Variants in ASPRV1 observed in about 807,000 individuals in gnomAD.
ASPRV1 encodes retroviral-like aspartic protease 1.
In ASPRV1, 7 loss-of-function variants were observed where a neutral mutation model predicts 11.0. That is an observed-to-expected ratio of 0.64 (90% CI 0.36 to 1.20). The LOEUF (loss-of-function observed/expected upper bound fraction) is 1.20. Among genes scored for constraint, ASPRV1 ranks in the 50% most tolerant of loss-of-function variants. The pLI is 0.02. For synonymous variants in ASPRV1, 136 were observed against 138.4 expected (o/e 0.98, Z 0.12); for missense variants, 299 against 320.0 (o/e 0.93, Z 0.50).
the ASPRV1 span, among the ~76,000 whole-genome samples, chr2:69,967,492 G>T: frequency 2.0e-5 from 3 of 152,200 alleles, no homozygotes; most frequent in African/African-American, 2.4e-5. Flanking sequence ...CCATCTGAGC[G>T]GGGGATGTGG....
chr2:69,999,977 C>T, the ASPRV1 span, among the ~76,000 whole-genome samples: 2 of 152,196 alleles, frequency 1.3e-5, no homozygotes, highest in South Asian at 2.1e-4. Context: ...CCTCTCTAGC[C>T]CTGCCCCACC....
chr2:70,084,790 CATAAA>C, the ASPRV1 span, among the ~76,000 whole-genome samples: 1 of 152,060 alleles, frequency 6.6e-6, no homozygotes, highest in Non-Finnish European at 1.5e-5. Context: ...ACACTGAATA[CATAAA>C]ATAAGGCTTA....
the ASPRV1 span, among the ~76,000 whole-genome samples, chr2:69,953,889 T>G: frequency 6.9e-6 from 1 of 145,608 alleles, no homozygotes; most frequent in African/African-American, 2.6e-5. Flanking sequence ...TTTTTTTTTT[T>G]TGTATTTTTA....
the ASPRV1 span, among the ~76,000 whole-genome samples, chr2:70,009,311 CTTAT>C: frequency 0.012 from 1,844 of 147,640 alleles, 12 homozygotes; most frequent in Middle Eastern, 0.017. Flanking sequence ...AATTTATTGT[CTTAT>C]TTATTTATTT....
the ASPRV1 span, among the ~76,000 whole-genome samples, chr2:70,012,583 C>T: frequency 2.6e-5 from 4 of 152,136 alleles, no homozygotes; most frequent in Admixed American, 6.6e-5. Context: ...TGAAGAGGCA[C>T]CAAACTGCAC....
At chr2:69,950,027 G>A in the ASPRV1 span, among the ~76,000 whole-genome samples, 3 of 152,078 alleles carry the variant, frequency 2.0e-5, no homozygotes, top group African/African-American at 7.2e-5. Flanking sequence ...TATTGGCCAG[G>A]CTGGTCTCGA....
At chr2:70,030,661 T>C in the ASPRV1 span, 1 of 152,126 alleles carries the variant, frequency 6.6e-6, no homozygotes, top group African/African-American at 2.4e-5. Flanking sequence ...TAAGAACCAG[T>C]GGTTTGGTTT....
chr2:70,069,797 C>T, the ASPRV1 span, among the ~76,000 whole-genome samples: 485 of 152,182 alleles, frequency 3.2e-3, 3 homozygotes, highest in African/African-American at 0.011. Flanking sequence ...TGAGGTTCAT[C>T]TGTAACTAGC....
chr2:69,979,846 G>A, the ASPRV1 span, among the ~76,000 whole-genome samples: 5 of 152,204 alleles, frequency 3.3e-5, no homozygotes, highest in Non-Finnish European at 5.9e-5. Flanking sequence ...ACGAGGCACT[G>A]CTCAGTCCCC....
chr2:69,979,636 G>A, the ASPRV1 span, among the ~76,000 whole-genome samples: 1 of 152,204 alleles, frequency 6.6e-6, no homozygotes, highest in Non-Finnish European at 1.5e-5. Flanking sequence ...AGGCCCTTGA[G>A]AGTGACAGGC....
chr2:70,080,906 G>C, the ASPRV1 span: 1 of 152,172 alleles, frequency 6.6e-6, no homozygotes, highest in African/African-American at 2.4e-5. Context: ...CTGCTAGTTT[G>C]AAACTCCTTA....
At chr2:70,079,005 G>A in the ASPRV1 span, among the ~76,000 whole-genome samples, 9 of 152,060 alleles carry the variant, frequency 5.9e-5, no homozygotes, top group Non-Finnish European at 1.2e-4. Flanking sequence ...TGGATGAAGA[G>A]AATGAAAAAA....
the ASPRV1 span, chr2:70,080,954 A>T: frequency 6.6e-6 from 1 of 152,108 alleles, no homozygotes; most frequent in African/African-American, 2.4e-5. Context: ...CTGTTTTGGT[A>T]GACACAGGGG....
chr2:69,938,463 A>T, the ASPRV1 span: 1 of 601,574 alleles, frequency 1.7e-6, no homozygotes, highest in Non-Finnish European at 2.9e-6. Flanking sequence ...GATTGCATCC[A>T]CTAGCTTCTC....
At chr2:69,995,152 G>A in the ASPRV1 span, among the ~76,000 whole-genome samples, 6 of 151,694 alleles carry the variant, frequency 4.0e-5, no homozygotes, top group Admixed American at 3.3e-4. Flanking sequence ...TTGGGAGGCC[G>A]AGGCAGGCAG....
At chr2:70,010,398 T>C in the ASPRV1 span, among the ~76,000 whole-genome samples, 40 of 152,134 alleles carry the variant, frequency 2.6e-4, no homozygotes, top group African/African-American at 8.7e-4. Context: ...CAGTAGGGAT[T>C]TGCGTGGCAA....
At chr2:70,027,635 C>CA in the ASPRV1 span, among the ~76,000 whole-genome samples, 6 of 152,050 alleles carry the variant, frequency 3.9e-5, no homozygotes, top group Middle Eastern at 3.4e-3. Flanking sequence ...AAATCAAGCA[C>CA]AAAAAAGGTG....
At chr2:70,010,004 C>T in the ASPRV1 span, among the ~76,000 whole-genome samples, 3 of 152,018 alleles carry the variant, frequency 2.0e-5, no homozygotes, top group Non-Finnish European at 2.9e-5. Context: ...TGGGTGTGGC[C>T]GTGTCCAGCA....
chr2:69,984,977 C>T, the ASPRV1 span, among the ~76,000 whole-genome samples: 1 of 152,102 alleles, frequency 6.6e-6, no homozygotes, highest in Non-Finnish European at 1.5e-5. Flanking sequence ...CTGCCTCAGC[C>T]TCCCGAGTAG....
Sources: allele counts gnomAD v4.1 joint callset (sites outside exome capture counted in the v4.1 genomes callset), GRCh38; gene constraint gnomAD v4.1.1; transcripts MANE v1.5; gene names NCBI Gene and HGNC (gene_info 2026-07-23, HGNC 2026-07-21).